The following CSRNP3 variants were observed in gnomAD, a reference collection of about 807,000 sequenced individuals.
CSRNP3 encodes the protein cysteine/serine-rich nuclear protein 3.
Under a neutral mutation model 48.0 loss-of-function variants are expected in CSRNP3, and 12 were observed. That is an observed-to-expected ratio of 0.25 (90% CI 0.16 to 0.41). The LOEUF (loss-of-function observed/expected upper bound fraction) is 0.41, where lower values mean the gene tolerates loss of function less well. CSRNP3 is among the 10% of genes least tolerant of loss of function. The pLI is 1.00. For missense variants in CSRNP3, 580 were observed against 724.4 expected (o/e 0.80, Z 2.29); for synonymous variants, 263 against 269.7 (o/e 0.98, Z 0.24).
intron 1 of CSRNP3, among the ~76,000 whole-genome samples, chr2:165,475,859 C>T (rs1431460556): frequency 6.6e-6 from 1 of 152,198 alleles, no homozygotes; most frequent in African/African-American, 2.4e-5. Context: ...TGCTCTCCTA[C>T]ATTAACGGGA....
At chr2:165,668,997 C>T (rs1687283972) in intron 5 of CSRNP3, among the ~76,000 whole-genome samples, 1 of 152,086 alleles carries the variant, frequency 6.6e-6, no homozygotes, top group Non-Finnish European at 1.5e-5. Flanking sequence ...TTCTCAACTA[C>T]AAAAAAATTT....
At chr2:165,666,144 A>AGG (rs1687193392) in intron 5 of CSRNP3, among the ~76,000 whole-genome samples, 4 of 100,284 alleles carry the variant, frequency 4.0e-5, no homozygotes, top group African/African-American at 1.6e-4. Flanking sequence ...GAAGGAAGGA[A>AGG]AGAGAGAGGA....
chr2:165,669,696 A>G (rs999451390), intron 5 of CSRNP3, among the ~76,000 whole-genome samples: 3 of 152,180 alleles, frequency 2.0e-5, no homozygotes, highest in African/African-American at 7.2e-5. Flanking sequence ...GTCAAAAAAA[A>G]GTTATAGTGG....
intron 4 of CSRNP3, among the ~76,000 whole-genome samples, chr2:165,622,552 A>G (rs909358871): frequency 1.3e-5 from 2 of 152,190 alleles, no homozygotes; most frequent in South Asian, 2.1e-4. Context: ...TGAAGGCTCA[A>G]TGGGTTTGAG....
chr2:165,632,873 A>G (rs539903029), intron 4 of CSRNP3, among the ~76,000 whole-genome samples: 1 of 152,358 alleles, frequency 6.6e-6, no homozygotes, highest in Admixed American at 6.5e-5. Context: ...CAAAGTAGAA[A>G]TCCGTTATAT....
chr2:165,632,851 G>A (rs1202391183), intron 4 of CSRNP3, among the ~76,000 whole-genome samples: 7 of 152,082 alleles, frequency 4.6e-5, no homozygotes, highest in African/African-American at 9.7e-5. Flanking sequence ...ATCAATTTTC[G>A]TTTCCTATCT....
chr2:165,589,281 A>C (rs1685679856), intron 3 of CSRNP3, among the ~76,000 whole-genome samples: 1 of 152,192 alleles, frequency 6.6e-6, no homozygotes, highest in South Asian at 2.1e-4. Flanking sequence ...ATAGAAGAAA[A>C]CCACATCTCC....
chr2:165,578,284 A>G (rs1257289560), intron 3 of CSRNP3, among the ~76,000 whole-genome samples: 1 of 152,074 alleles, frequency 6.6e-6, no homozygotes, highest in Non-Finnish European at 1.5e-5. Context: ...CTTTATCTCC[A>G]TGCAAGCTTA....
intron 3 of CSRNP3, among the ~76,000 whole-genome samples, chr2:165,577,948 TTTGTC>T (rs1435643257): frequency 1.3e-5 from 2 of 152,036 alleles, no homozygotes; most frequent in East Asian, 3.8e-4. Flanking sequence ...TTATTTTTAG[TTTGTC>T]TTGTGTTCAG....
At chr2:165,673,382 C>A (rs553161872) in intron 5 of CSRNP3, among the ~76,000 whole-genome samples, 1 of 151,966 alleles carries the variant, frequency 6.6e-6, no homozygotes, top group South Asian at 2.1e-4. Flanking sequence ...AAGTGATCTG[C>A]CTGCCTCCGT....
At chr2:165,649,653 A>G (rs953249909) in intron 4 of CSRNP3, among the ~76,000 whole-genome samples, 9 of 152,206 alleles carry the variant, frequency 5.9e-5, no homozygotes, top group Admixed American at 3.3e-4. Context: ...GGAACCGAAT[A>G]TATCAGCAAG....
intron 2 of CSRNP3, among the ~76,000 whole-genome samples, chr2:165,506,113 T>C (rs1684422769): frequency 6.6e-6 from 1 of 152,180 alleles, no homozygotes; most frequent in South Asian, 2.1e-4. Context: ...TATTTTCTCC[T>C]ACCCATATAT....
chr2:165,670,746 C>A (rs1215616353), intron 5 of CSRNP3, among the ~76,000 whole-genome samples: 1 of 152,186 alleles, frequency 6.6e-6, no homozygotes, highest in Non-Finnish European at 1.5e-5. Context: ...TCTACCACTT[C>A]TTTAACCCCC....
intron 1 of CSRNP3, among the ~76,000 whole-genome samples, chr2:165,482,807 T>C (rs1304025686): frequency 7.2e-5 from 11 of 152,308 alleles, no homozygotes; most frequent in Non-Finnish European, 1.2e-4. Flanking sequence ...AGAATTTTTC[T>C]ACCGTGTCTC....
rs530120596 is a variant in CSRNP3, at chr2:165,634,999, T to C, written c.149-22762T>C. Among the ~76,000 whole-genome samples the C allele has an allele frequency of 1.1e-4, 17 of 152,288 alleles. 1 individual carries two copies. Among genetic ancestry groups the C allele is most frequent in the African/African-American group, 4.1e-4 (17 of 41,564 alleles). On this transcript the variant is annotated intron_variant, in intron 4 of 6. Coordinates refer to ENST00000651982, the MANE Select transcript of CSRNP3 (RefSeq NM_001172173.2). ...AGGCTATTGAATCCAGCCAGTGCAG[T>C]CCTGAGGGGAGTGTTCCCAGACTTA...
intron 3 of CSRNP3, 109 bp from the exon 4 acceptor site, chr2:165,594,934 A>T: frequency 1.2e-6 from 1 of 829,920 alleles, no homozygotes; most frequent in Non-Finnish European, 1.9e-6. Context: ...AGGGAAAGCT[A>T]TAGCTCAGCT....
intron 4 of CSRNP3, among the ~76,000 whole-genome samples, chr2:165,633,712 C>T (rs1686576689): frequency 6.6e-6 from 1 of 152,222 alleles, no homozygotes; most frequent in Non-Finnish European, 1.5e-5. Context: ...CTCATTTCCT[C>T]CTTGCTGAGG....
chr2:165,536,028 G>A (rs945327724), intron 3 of CSRNP3, among the ~76,000 whole-genome samples: 10 of 151,748 alleles, frequency 6.6e-5, no homozygotes, highest in African/African-American at 2.4e-4. Flanking sequence ...TAGTTCCCTG[G>A]TTCTACTTTA....
intron 3 of CSRNP3, among the ~76,000 whole-genome samples, chr2:165,543,525 T>C (rs1325344356): frequency 2.6e-5 from 4 of 152,164 alleles, no homozygotes; most frequent in Non-Finnish European, 5.9e-5. Flanking sequence ...TTTTTAAAAA[T>C]TTGGCATGGG....
Sources: allele counts gnomAD v4.1 joint callset (sites outside exome capture counted in the v4.1 genomes callset), GRCh38; gene constraint gnomAD v4.1.1; transcripts MANE v1.5; gene names NCBI Gene and HGNC (gene_info 2026-07-23, HGNC 2026-07-21).